RELCH: variants seen among roughly 807,000 people sequenced by gnomAD.
RELCH encodes RAB11-binding protein RELCH.
A neutral mutation model predicts 150.3 loss-of-function variants in RELCH; 41 were observed. That is an observed-to-expected ratio of 0.27 (90% CI 0.21 to 0.35). RELCH has a LOEUF of 0.35. RELCH is among the 10% of genes least tolerant of loss of function. The probability of loss-of-function intolerance (pLI) is 1.00; values close to 1 mark genes in which losing one functional copy is unlikely to be tolerated. For missense variants in RELCH, 1,092 were observed against 1,467.8 expected (o/e 0.74, Z 4.18); for synonymous variants, 478 against 531.8 (o/e 0.90, Z 1.39).
At chr18:62,264,634 G>A (rs2043451818) in intron 17 of RELCH, 95 bp from the exon 18 acceptor site, 1 of 921,336 alleles carries the variant, frequency 1.1e-6, no homozygotes, top group African/African-American at 1.7e-5. Flanking sequence ...GAACGAAATA[G>A]AACAGGTTAT....
At chr18:62,235,606 G>A (rs2041838667) in intron 10 of RELCH, among the ~76,000 whole-genome samples, 1 of 151,944 alleles carries the variant, frequency 6.6e-6, no homozygotes, top group African/African-American at 2.4e-5. Flanking sequence ...TTTTGTTTTA[G>A]ATCTTTAATT....
chr18:62,297,543 A>G (rs1020619425), intron 27 of RELCH, among the ~76,000 whole-genome samples: 3 of 152,242 alleles, frequency 2.0e-5, no homozygotes, highest in Non-Finnish European at 4.4e-5. Context: ...AACAGATGCT[A>G]TAACCTGTGA....
At chr18:62,304,743 T>A (rs10503069) in intron 28 of RELCH, among the ~76,000 whole-genome samples, 1 of 152,080 alleles carries the variant, frequency 6.6e-6, no homozygotes, top group Non-Finnish European at 1.5e-5. Context: ...TTAGCAATCT[T>A]TAGAGGTCAT....
chr18:62,257,866 G>T, intron 13 of RELCH, 82 bp from the exon 14 acceptor site: 2 of 1,056,226 alleles, frequency 1.9e-6, no homozygotes, highest in South Asian at 1.8e-5. Context: ...TCTGGATTTT[G>T]ACCACACTGA....
intron 2 of RELCH, among the ~76,000 whole-genome samples, chr18:62,215,170 A>G (rs1327878048): frequency 6.6e-6 from 1 of 152,142 alleles, no homozygotes; most frequent in Admixed American, 6.5e-5. Context: ...AAAGTGTTAG[A>G]ATTTCTCATT....
At chr18:62,252,829 A>C in intron 12 of RELCH, 75 bp downstream of exon 12, 1 of 1,055,822 alleles carries the variant, frequency 9.5e-7, no homozygotes, top group Non-Finnish European at 1.4e-6. Flanking sequence ...TTCCTTTTTA[A>C]AGGCGTTTAA....
At chr18:62,196,019 A>G (rs2039015640) in intron 1 of RELCH, among the ~76,000 whole-genome samples, 1 of 151,862 alleles carries the variant, frequency 6.6e-6, no homozygotes, top group Non-Finnish European at 1.5e-5. Flanking sequence ...TCATGATCCA[A>G]CGTATCGTTT....
chr18:62,214,298 A>G (rs567624475), intron 2 of RELCH, among the ~76,000 whole-genome samples: 1 of 152,146 alleles, frequency 6.6e-6, no homozygotes, highest in Non-Finnish European at 1.5e-5. Flanking sequence ...TTTTAAAAAA[A>G]TTTCAATTAA....
chr18:62,247,873 C>T (rs975500627), intron 11 of RELCH, among the ~76,000 whole-genome samples: 7 of 152,120 alleles, frequency 4.6e-5, no homozygotes, highest in Admixed American at 1.3e-4. Context: ...CAATAAAGCA[C>T]GGTATTCACT....
rs2038159388 is a variant in RELCH at position 62,187,257 on chromosome 18, T to C, written c.-249T>C. On this transcript the variant is annotated 5_prime_UTR_variant, in exon 1 of 29. Coordinates refer to ENST00000644646, the MANE Select transcript of RELCH (RefSeq NM_001346231.2). ...GGAGAGGGGCAGGGGCACGCTCCAG[T>C]TCTCGCGAGACTGGAGACCAGGAAG... 6.3e-6 allele frequency: 2 copies of C among 319,558 alleles called. No homozygotes were observed. The highest frequency in any genetic ancestry group is 5.7e-6 in the Non-Finnish European group (1 of 174,164). 19.8% of individuals were successfully genotyped at this position (319,558 alleles called of 1,614,324 possible). A position where few individuals can be genotyped will look rare whatever the true frequency, so the allele number is the denominator to read the frequency against.
rs374282852 is a variant in RELCH, at chr18:62,281,876, A to C, written c.3115-430A>C. 1.5e-4 allele frequency among the ~76,000 whole-genome samples: 23 copies of C among 152,332 alleles called. 2 individuals carry two copies. Among genetic ancestry groups the C allele is most frequent in the African/African-American group, 5.5e-4 (23 of 41,572 alleles). On this transcript the variant is annotated intron_variant, in intron 24 of 28. Transcript: ENST00000644646. The stretch of plus-strand genomic sequence containing the variant: ...TTTCAACATGTTCTCAAAACCTAAA[A>C]TAAAAATGTCTTTTAGGGAAATGTG...
intron 28 of RELCH, among the ~76,000 whole-genome samples, chr18:62,303,123 A>C (rs1161800909): frequency 6.6e-6 from 1 of 151,372 alleles, no homozygotes. Flanking sequence ...AAAAATTTAC[A>C]CTGTGTCTTG....
chr18:62,273,836 A>G (rs2044043974), intron 20 of RELCH, 144 bp from the exon 21 acceptor site: 3 of 586,354 alleles, frequency 5.1e-6, no homozygotes, highest in Non-Finnish European at 3.0e-6. Context: ...GATATGCTTA[A>G]TAAATATCTT....
At chr18:62,285,247 C>T (rs747863189) in intron 25 of RELCH, among the ~76,000 whole-genome samples, 11 of 152,152 alleles carry the variant, frequency 7.2e-5, no homozygotes, top group Non-Finnish European at 1.6e-4. Flanking sequence ...AAGTGATTCT[C>T]CTGCCTCAGC....
chr18:62,255,503 T>C (rs1489769007), intron 13 of RELCH, 25 bp downstream of exon 13: 2 of 1,531,950 alleles, frequency 1.3e-6, no homozygotes, highest in Non-Finnish European at 1.8e-6. Context: ...TTTTTTTTCT[T>C]TAAACTATTT....
chr18:62,210,496 A>AT (rs1234287160), intron 1 of RELCH, among the ~76,000 whole-genome samples: 3 of 152,160 alleles, frequency 2.0e-5, no homozygotes, highest in Non-Finnish European at 4.4e-5. Context: ...TGTACAAGGC[A>AT]TTTTTAATTT....
intron 26 of RELCH, among the ~76,000 whole-genome samples, chr18:62,289,950 TCA>T (rs1449160531): frequency 1.3e-5 from 2 of 152,186 alleles, no homozygotes; most frequent in African/African-American, 4.8e-5. Flanking sequence ...CAAAGGTCAT[TCA>T]CAGTTATATT....
chr18:62,211,773 AT>A (rs138863676), intron 2 of RELCH, among the ~76,000 whole-genome samples: 2,027 of 152,190 alleles, frequency 0.013, 40 homozygotes, highest in African/African-American at 0.046. Context: ...TTAAAAAAAA[AT>A]AAATAAGCAA....
intron 8 of RELCH, 137 bp from the exon 9 acceptor site, chr18:62,231,057 G>C: frequency 1.7e-6 from 1 of 590,244 alleles, no homozygotes; most frequent in African/African-American, 1.9e-5. Flanking sequence ...TCAAGTCACT[G>C]GTGGCTCAGA....
Sources: gnomAD v4.1 joint callset for allele counts (sites outside exome capture counted in the v4.1 genomes callset) on GRCh38, gnomAD v4.1.1 for gene constraint, MANE v1.5 for transcripts, NCBI Gene and HGNC (gene_info 2026-07-23, HGNC 2026-07-21) for gene names.